ROBO2: variants seen among roughly 807,000 people sequenced by gnomAD.
ROBO2 encodes the protein roundabout homolog 2.
In ROBO2, 53 loss-of-function variants were observed where a neutral mutation model predicts 160.8. That is an observed-to-expected ratio of 0.33 (90% confidence interval 0.26 to 0.41). ROBO2 has a LOEUF of 0.41. Ranked by LOEUF, ROBO2 falls within the 10% of genes least tolerant of loss-of-function variation. ROBO2 has a pLI of 1.00. For synonymous variants in ROBO2, 664 were observed against 611.7 expected (o/e 1.09, Z -1.26); for missense variants, 1,577 against 1,722.4 (o/e 0.92, Z 1.49).
At chr3:76,711,099 C>T (rs2093283751) in intron 2 of ROBO2, among the ~76,000 whole-genome samples, 1 of 152,090 alleles carries the variant, frequency 6.6e-6, no homozygotes, top group Admixed American at 6.6e-5. Flanking sequence ...CGTATTAGTC[C>T]ATTCTCAAAT....
chr3:77,527,829 CTTCTT>C (rs547371576), intron 6 of ROBO2, among the ~76,000 whole-genome samples: 283 of 151,670 alleles, frequency 1.9e-3, no homozygotes, highest in South Asian at 3.9e-3. Context: ...ACTTTCCACA[CTTCTT>C]TTAAGTTACT....
intron 2 of ROBO2, among the ~76,000 whole-genome samples, chr3:77,354,245 T>A (rs1581273246): frequency 6.6e-6 from 1 of 152,202 alleles, no homozygotes; most frequent in East Asian, 1.9e-4. Context: ...AATTACAATT[T>A]TTTTTTCTTT....
At chr3:76,853,496 G>C (rs1054459950) in intron 2 of ROBO2, among the ~76,000 whole-genome samples, 1 of 152,090 alleles carries the variant, frequency 6.6e-6, no homozygotes, top group Non-Finnish European at 1.5e-5. Context: ...TTGGATCCAT[G>C]GATAGCCTTA....
chr3:76,251,176 A>G (rs928884759), intron 2 of ROBO2, among the ~76,000 whole-genome samples: 5 of 152,062 alleles, frequency 3.3e-5, no homozygotes, highest in African/African-American at 7.2e-5. Flanking sequence ...GTAACTGAAG[A>G]TAGATGACCA....
intron 2 of ROBO2, among the ~76,000 whole-genome samples, chr3:77,475,509 G>A (rs2083894521): frequency 6.6e-6 from 1 of 152,124 alleles, no homozygotes; most frequent in Non-Finnish European, 1.5e-5. Flanking sequence ...TTGTGCTTAG[G>A]CTTTTTGGCA....
intron 2 of ROBO2, among the ~76,000 whole-genome samples, chr3:76,049,401 A>ATTT (rs1306305555): frequency 5.2e-4 from 33 of 63,734 alleles, no homozygotes; most frequent in African/African-American, 2.5e-3. Context: ...ATATATATAT[A>ATTT]TATTTTTTTT....
chr3:77,290,711 G>T, intron 2 of ROBO2, among the ~76,000 whole-genome samples: 1 of 67,994 alleles, frequency 1.5e-5, no homozygotes, highest in Non-Finnish European at 2.9e-5. Context: ...CAGACATAAA[G>T]TAAAATTGAT....
intron 2 of ROBO2, among the ~76,000 whole-genome samples, chr3:76,583,596 C>T (rs2085842337): frequency 6.6e-6 from 1 of 152,096 alleles, no homozygotes; most frequent in South Asian, 2.1e-4. Context: ...TTCCTTTGCT[C>T]TCAATACTTT....
At chr3:77,117,007 T>A in intron 2 of ROBO2, among the ~76,000 whole-genome samples, 1 of 152,204 alleles carries the variant, frequency 6.6e-6, no homozygotes, top group East Asian at 1.9e-4. Context: ...GGAAAGATTT[T>A]GTTCAGATTT....
At chr3:77,219,434 G>GTATA (rs369099644) in intron 2 of ROBO2, among the ~76,000 whole-genome samples, 20,042 of 114,806 alleles carry the variant, frequency 0.17, 1,982 homozygotes, top group Middle Eastern at 0.24. Context: ...GTATGTGTGT[G>GTATA]TATATATATA....
At chr3:76,889,942 G>A (rs2074209476) in intron 2 of ROBO2, among the ~76,000 whole-genome samples, 1 of 152,140 alleles carries the variant, frequency 6.6e-6, no homozygotes, top group Non-Finnish European at 1.5e-5. Flanking sequence ...GAGGAAATGG[G>A]CTATGCAAGA....
intron 2 of ROBO2, among the ~76,000 whole-genome samples, chr3:76,398,989 A>G (rs1305848634): frequency 6.6e-6 from 1 of 151,796 alleles, no homozygotes; most frequent in Non-Finnish European, 1.5e-5. Flanking sequence ...ATTACACACA[A>G]ATAATACTTG....
In ROBO2 at chr3:76,751,369, A is replaced by G. The variant is rs531926169; in HGVS notation, c.110-346645A>G. Among the ~76,000 whole-genome samples the G allele has an allele frequency of 3.3e-5, 5 of 152,238 alleles. No homozygotes were observed. In the East Asian group the frequency reaches 9.7e-4, roughly 29 times the overall value. On this transcript the variant is annotated intron_variant, in intron 2 of 26. Transcript: ENST00000487694. ...AAAACCCTAGAAGAAAACCTAGGCA[A>G]TACCATTCAGGACATAGGCATGGGC...
At chr3:77,429,293 A>C (rs1210439256) in intron 2 of ROBO2, among the ~76,000 whole-genome samples, 2 of 152,134 alleles carry the variant, frequency 1.3e-5, no homozygotes, top group Non-Finnish European at 2.9e-5. Context: ...TTACCATCCC[A>C]TAAGTGCACC....
intron 2 of ROBO2, among the ~76,000 whole-genome samples, chr3:76,869,193 T>A (rs1559626536): frequency 6.6e-6 from 1 of 152,152 alleles, no homozygotes; most frequent in Non-Finnish European, 1.5e-5. Context: ...GATTTGAAAC[T>A]AAGTCGTCCT....
At chr3:76,539,362 TAA>T (rs63215964) in intron 2 of ROBO2, among the ~76,000 whole-genome samples, 25 of 137,524 alleles carry the variant, frequency 1.8e-4, no homozygotes, top group African/African-American at 4.5e-4. Context: ...TAAGTAAAAT[TAA>T]AAAAAAAAAA....
intron 2 of ROBO2, among the ~76,000 whole-genome samples, chr3:77,214,961 A>C (rs931534904): frequency 6.6e-6 from 1 of 152,272 alleles, no homozygotes; most frequent in African/African-American, 2.4e-5. Context: ...TGTTAGTCTG[A>C]TGGGCTTCCC....
intron 2 of ROBO2, among the ~76,000 whole-genome samples, chr3:76,965,219 G>A (rs1194996132): frequency 6.6e-6 from 1 of 152,186 alleles, no homozygotes; most frequent in Non-Finnish European, 1.5e-5. Flanking sequence ...GATAGCTGGA[G>A]GTCTCCCTCA....
chr3:76,283,630 A>G (rs1319250919), intron 2 of ROBO2, among the ~76,000 whole-genome samples: 2 of 152,046 alleles, frequency 1.3e-5, no homozygotes, highest in Non-Finnish European at 2.9e-5. Context: ...CCCATTTAGC[A>G]TTAATAAGGA....
Sources: gnomAD v4.1 joint callset for allele counts (sites outside exome capture counted in the v4.1 genomes callset) on GRCh38, gnomAD v4.1.1 for gene constraint, MANE v1.5 for transcripts, NCBI Gene and HGNC (gene_info 2026-07-23, HGNC 2026-07-21) for gene names.